ZCRB1: variants seen among roughly 807,000 people sequenced by gnomAD.
ZCRB1 encodes zinc finger CCHC-type and RNA-binding motif-containing protein 1.
In ZCRB1, 21 loss-of-function variants were observed where a neutral mutation model predicts 29.9. That is an observed-to-expected ratio of 0.70 (90% CI 0.50 to 1.01). The LOEUF is 1.01. ZCRB1 is among the 50% of genes least tolerant of loss of function. The pLI is 0.00. For synonymous variants in ZCRB1, 77 were observed against 80.0 expected (o/e 0.96, Z 0.20); for missense variants, 204 against 253.3 (o/e 0.81, Z 1.32).
chr12:42,325,109 ATAGC>A (rs2068679481), intron 1 of ZCRB1, among the ~76,000 whole-genome samples: 1 of 152,266 alleles, frequency 6.6e-6, no homozygotes, highest in African/African-American at 2.4e-5. Flanking sequence ...AAATATTTAC[ATAGC>A]TAAACACAGA....
At position 42,317,342 on chromosome 12, in the gene ZCRB1, C is replaced by G; in HGVS notation, c.331G>C (p.Gly111Arg). Residue 111 changes from glycine to arginine, a missense_variant and splice_region_variant, in exon 5 of 8, where the codon GGG (glycine) becomes CGG (arginine). By Grantham distance (125) the Gly-to-Arg change is moderately radical. Transcript: ENST00000266529. ...CATTAAGTTTTAGGTTTACTTACCC[C>G]ACATTCATAACACTTAGATTTATCA... Reference protein sequence around the residue: ...YFDKSKCYECGESGHLSYACP... With the variant: ...YFDKSKCYECRESGHLSYACP... 5.0e-6 allele frequency: 8 copies of G among 1,603,334 alleles called. No homozygotes were observed. The highest frequency in any genetic ancestry group is 6.8e-6 in the Non-Finnish European group (8 of 1,175,548).
intron 7 of ZCRB1, 81 bp from the exon 8 acceptor site, chr12:42,313,279 A>T: frequency 6.9e-7 from 1 of 1,445,696 alleles, no homozygotes; most frequent in Non-Finnish European, 9.3e-7. Flanking sequence ...TGGCAAAAAC[A>T]TACCACAAAT....
At chr12:42,322,358 G>A (rs527650327) in intron 3 of ZCRB1, 60 bp downstream of exon 3, 2 of 1,384,446 alleles carry the variant, frequency 1.4e-6, no homozygotes, top group South Asian at 2.9e-5. Context: ...TTAAAAAAAT[G>A]TAGAAGCAAA....
intron 3 of ZCRB1, among the ~76,000 whole-genome samples, chr12:42,321,467 G>A (rs2068620965): frequency 6.6e-6 from 1 of 152,152 alleles, no homozygotes; most frequent in Non-Finnish European, 1.5e-5. Flanking sequence ...CACATAAAGA[G>A]ATTAGAACAA....
At chr12:42,319,962 C>A (rs2068613477) in intron 3 of ZCRB1, among the ~76,000 whole-genome samples, 1 of 152,096 alleles carries the variant, frequency 6.6e-6, no homozygotes, top group Admixed American at 6.6e-5. Flanking sequence ...AGAAATCTTA[C>A]AGTTTAGTGG....
chr12:42,324,015 T>C lies in ZCRB1; in HGVS notation c.84+4A>G, dbSNP rs764874951. 1.2e-6 allele frequency: 2 copies of C among 1,612,774 alleles called. No individual in the cohort carries two copies. Among genetic ancestry groups the C allele is most frequent in the Non-Finnish European group, 1.7e-6 (2 of 1,178,780 alleles). On this transcript the variant is annotated splice_donor_region_variant and intron_variant, in intron 2 of 7. Coordinates refer to ENST00000266529, the MANE Select transcript of ZCRB1 (RefSeq NM_033114.4). ...ATAGCAGTCACTCGATAAGATTTACTTACCCGGTACAAGTCATTGTTTGTC... is the reference window on the plus strand; with the variant it reads ...ATAGCAGTCACTCGATAAGATTTACCTACCCGGTACAAGTCATTGTTTGTC...
Position 42,313,885 on chromosome 12 carries a change from T to A in ZCRB1, c.435A>T (p.Pro145=). The A allele has an allele frequency of 1.9e-6, 3 of 1,599,196 alleles. No homozygotes were observed. Among genetic ancestry groups the A allele is most frequent in the Non-Finnish European group, 2.5e-6 (3 of 1,176,674 alleles). ...EKKKKKKAPE[P]EEEIEEVEES... ...AATAATATACATACATTTCTTCTTC[T>A]GGTTCAGGAGCTTTCTTTTTTTTCT... is the stretch of plus-strand genomic sequence containing the variant. Residue 145 remains proline, a synonymous_variant, in exon 6 of 8, where the codon CCA becomes CCT. Coordinates refer to ENST00000266529, the MANE Select transcript of ZCRB1 (RefSeq NM_033114.4).
intron 3 of ZCRB1, among the ~76,000 whole-genome samples, chr12:42,321,606 T>C (rs2137532941): frequency 6.6e-6 from 1 of 152,334 alleles, no homozygotes; most frequent in African/African-American, 2.4e-5. Context: ...TTGATAATGC[T>C]TTTTTAATAG....
At chr12:42,325,614 C>A (rs1331641424) in intron 1 of ZCRB1, 1 of 151,566 alleles carries the variant, frequency 6.6e-6, no homozygotes, top group East Asian at 1.9e-4. Flanking sequence ...ATGGGAAGAT[C>A]AACCATCACA....
chr12:42,324,864 C>T (rs1013294276), intron 1 of ZCRB1, among the ~76,000 whole-genome samples: 3 of 152,156 alleles, frequency 2.0e-5, no homozygotes, highest in African/African-American at 7.2e-5. Context: ...CCTTGCTCAC[C>T]CAGGTCAGAA....
chr12:42,313,398 T>TA (rs896794152), intron 7 of ZCRB1, among the ~76,000 whole-genome samples, 200 bp from the exon 8 acceptor site: 2 of 152,178 alleles, frequency 1.3e-5, no homozygotes, highest in Non-Finnish European at 2.9e-5. Context: ...GGCAATTTCT[T>TA]AAAAAAATCT....
chr12:42,322,114 T>C (rs1383602100), intron 3 of ZCRB1, among the ~76,000 whole-genome samples: 1 of 152,194 alleles, frequency 6.6e-6, no homozygotes, highest in Non-Finnish European at 1.5e-5. Flanking sequence ...ACACACTTCC[T>C]AGTAACCAAA....
At position 42,326,052 on chromosome 12, in the gene ZCRB1, G is replaced by C. The variant is rs1310643200; in HGVS notation, c.-131C>G. Reference sequence around the variant, plus strand: ...CGAGTCCTGGGAGGGGTCAGGCGCGGAGAGCAGATAATAGCAGCCACGGTG... The same window carrying C: ...CGAGTCCTGGGAGGGGTCAGGCGCGCAGAGCAGATAATAGCAGCCACGGTG... On this transcript the variant is annotated 5_prime_UTR_variant, in exon 1 of 8. Coordinates refer to ENST00000266529, the MANE Select transcript of ZCRB1 (RefSeq NM_033114.4). The C allele has an allele frequency of 1.3e-5, 2 of 152,330 alleles. No individual in the cohort carries two copies. Among genetic ancestry groups the C allele is most frequent in the Non-Finnish European group, 2.9e-5 (2 of 68,116 alleles). 9.4% of individuals were successfully genotyped at this position (152,330 alleles called of 1,614,324 possible). A position where few individuals can be genotyped will look rare whatever the true frequency, so the allele number is the denominator to read the frequency against.
chr12:42,313,596 AAG>A (rs2137526847), intron 7 of ZCRB1, 92 bp downstream of exon 7: 9 of 1,339,322 alleles, frequency 6.7e-6, no homozygotes, highest in Non-Finnish European at 9.3e-6. Context: ...TAGGGGGAAA[AAG>A]AGAGGTTGCC....
At chr12:42,317,162 T>C (rs2068598585) in intron 5 of ZCRB1, among the ~76,000 whole-genome samples, 178 bp downstream of exon 5, 1 of 152,212 alleles carries the variant, frequency 6.6e-6, no homozygotes, top group Non-Finnish European at 1.5e-5. Context: ...GAGTTGTGAC[T>C]GCATCACTGC....
In ZCRB1 at chr12:42,317,383, C is replaced by T. The variant is rs184048293; in HGVS notation, c.290G>A (p.Arg97Gln). 4.0e-4 allele frequency: 639 copies of T among 1,612,924 alleles called. No homozygotes were observed. Among genetic ancestry groups the T allele is most frequent in the Non-Finnish European group, 4.7e-5 (56 of 1,179,708 alleles). ...AGATTTATCAAAGTAGTTTCGCCTT[C>T]GGATGAACTCAGCTGCTCTTCCATT... ...IDNGRAAEFI[R>Q]RRNYFDKSKC... Residue 97 changes from arginine to glutamine, a missense_variant, in exon 5 of 8, where the codon CGA becomes CAA. Physicochemically the swap from Arg to Gln is conservative, Grantham distance 43. Coordinates refer to ENST00000266529, the MANE Select transcript of ZCRB1 (RefSeq NM_033114.4).
rs1387084756 is a variant in ZCRB1 at position 42,317,888 on chromosome 12, T to G, written c.124A>C (p.Met42Leu). Reference protein sequence around the residue: ...KYGKVVKVTIMKDKDTRKSKG... With the variant: ...KYGKVVKVTILKDKDTRKSKG... ...CTCTTCCTGGTATCTTTATCTTTCA[T>G]GATGGTAACCCTTAAAGCATAAACA... Residue 42 changes from methionine to leucine, a missense_variant, in exon 4 of 8, where the codon ATG becomes CTG. Met to Leu is a conservative substitution (Grantham distance 15). Transcript: ENST00000266529. 4 of 1,612,970 alleles carry G rather than the reference T, an allele frequency of 2.5e-6. No homozygotes were observed. The highest frequency in any genetic ancestry group is 3.4e-6 in the Non-Finnish European group (4 of 1,179,282).
intron 3 of ZCRB1, among the ~76,000 whole-genome samples, chr12:42,321,282 A>C (rs1428563617): frequency 6.6e-6 from 1 of 152,212 alleles, no homozygotes; most frequent in East Asian, 1.9e-4. Context: ...AAGTGGAAAA[A>C]GAAAAAAGGT....
chr12:42,321,063 T>G (rs1227082904), intron 3 of ZCRB1, among the ~76,000 whole-genome samples: 1 of 152,200 alleles, frequency 6.6e-6, no homozygotes, highest in East Asian at 1.9e-4. Context: ...ACCTGAAATA[T>G]TCCTCCCTTA....
Sources: allele counts gnomAD v4.1 joint callset (sites outside exome capture counted in the v4.1 genomes callset), GRCh38; gene constraint gnomAD v4.1.1; transcripts MANE v1.5; gene names NCBI Gene and HGNC (gene_info 2026-07-23, HGNC 2026-07-21).